Variants in SLC30A8 observed in about 807,000 individuals in gnomAD.
SLC30A8 encodes proton-coupled zinc antiporter SLC30A8.
SLC30A8 carries 27 observed loss-of-function variants against 36.9 expected under a neutral mutation model. The observed-to-expected ratio is 0.73, with a 90% CI of 0.54 to 1.01. The LOEUF is 1.01. SLC30A8 is among the 50% of genes least tolerant of loss of function. The probability of loss-of-function intolerance (pLI) is 0.00; values close to 1 mark genes in which losing one functional copy is unlikely to be tolerated. For missense variants in SLC30A8, 439 were observed against 452.0 expected (o/e 0.97, Z 0.26); for synonymous variants, 164 against 172.4 (o/e 0.95, Z 0.38).
At chr8:116,955,176 A>G (rs1322161219) in intron 1 of SLC30A8, among the ~76,000 whole-genome samples, 2 of 152,266 alleles carry the variant, frequency 1.3e-5, no homozygotes, top group Non-Finnish European at 2.9e-5. Context: ...GTATCCTTCC[A>G]AAATAGATGT....
In SLC30A8 at chr8:117,161,872, T is replaced by A. The variant is rs1822809043; in HGVS notation, c.707T>A (p.Leu236His). 1 of 1,613,168 alleles carries A rather than the reference T, an allele frequency of 6.2e-7. No individual in the cohort carries two copies. Residue 236 changes from leucine to histidine, a missense_variant, in exon 5 of 8, where the codon CTT (leucine) becomes CAT (histidine). By Grantham distance (99) the Leu-to-His change is moderately conservative. Coordinates refer to ENST00000456015, the MANE Select transcript of SLC30A8 (RefSeq NM_173851.3). Reference protein sequence around the residue: ...FQSISVLISALIIYFKPEYKI... With the variant: ...FQSISVLISAHIIYFKPEYKI... ...AGTATCAGTGTGCTAATTAGTGCAC[T>A]TATTATCTACTTTAAGGTGAGTTTG...
rs535761944 is a variant in SLC30A8 at position 117,090,604 on chromosome 8, T to C, written c.-225-44676T>C. On this transcript the variant is annotated intron_variant, in intron 2 of 10. Transcript: ENST00000427715. Reference sequence around the variant, plus strand: ...ACTTAGGGTTTCTTAATAAGGGCACTAATCCCATTAATGAGGGTTCTGCCC... The same window carrying C: ...ACTTAGGGTTTCTTAATAAGGGCACCAATCCCATTAATGAGGGTTCTGCCC... 1.4e-4 allele frequency among the ~76,000 whole-genome samples: 21 copies of C among 152,320 alleles called. No homozygotes were observed. The South Asian group carries it at 4.3e-3, about 32-fold the overall frequency.
At chr8:117,137,685 A>G (rs949475165) in intron 1 of SLC30A8, among the ~76,000 whole-genome samples, 7 of 151,918 alleles carry the variant, frequency 4.6e-5, no homozygotes, top group Non-Finnish European at 1.0e-4. Context: ...CTCTCCCTGT[A>G]TGATGTCTCA....
chr8:117,147,159 T>C lies in SLC30A8; in HGVS notation c.271+6T>C. ...CATGATTGCAGAGGTCGTGGGTGAGTCTTTCTGCAGACTTTTTTCATTAAA... is the reference window on the plus strand; with the variant it reads ...CATGATTGCAGAGGTCGTGGGTGAGCCTTTCTGCAGACTTTTTTCATTAAA... On this transcript the variant is annotated splice_donor_region_variant and intron_variant, in intron 2 of 7. Coordinates refer to ENST00000456015, the MANE Select transcript of SLC30A8 (RefSeq NM_173851.3). 6.2e-7 allele frequency: 1 copy of C among 1,612,536 alleles called. No individual in the cohort carries two copies. The highest frequency in any genetic ancestry group is 8.5e-7 in the Non-Finnish European group (1 of 1,179,374).
At chr8:117,011,089 C>T (rs573611794) in intron 1 of SLC30A8, among the ~76,000 whole-genome samples, 4 of 152,188 alleles carry the variant, frequency 2.6e-5, no homozygotes, top group Admixed American at 6.5e-5. Flanking sequence ...CTCTTATCTA[C>T]TTCATCCTCA....
At chr8:117,016,539 A>T (rs1816526360) in intron 1 of SLC30A8, among the ~76,000 whole-genome samples, 1 of 152,330 alleles carries the variant, frequency 6.6e-6, no homozygotes, top group East Asian at 1.9e-4. Context: ...ATGCACGCTA[A>T]CAGCTGCTAG....
intron 1 of SLC30A8, among the ~76,000 whole-genome samples, chr8:116,984,706 C>T (rs569875972): frequency 8.6e-5 from 13 of 151,820 alleles, no homozygotes; most frequent in South Asian, 8.3e-4. Context: ...TTTTAACTGC[C>T]GAGTTTTGAG....
At chr8:117,016,187 G>A (rs1299684872) in intron 1 of SLC30A8, among the ~76,000 whole-genome samples, 2 of 152,176 alleles carry the variant, frequency 1.3e-5, no homozygotes, top group African/African-American at 4.8e-5. Context: ...AAGGGAAAAA[G>A]GGATAGGTTC....
intron 2 of SLC30A8, among the ~76,000 whole-genome samples, chr8:117,125,055 A>G (rs1405264253): frequency 6.6e-6 from 1 of 152,070 alleles, no homozygotes; most frequent in African/African-American, 2.4e-5. Context: ...CTTTTTAGTG[A>G]AAGAACTCTT....
chr8:117,126,862 C>T (rs1323278771), intron 2 of SLC30A8, among the ~76,000 whole-genome samples: 1 of 151,992 alleles, frequency 6.6e-6, no homozygotes, highest in Non-Finnish European at 1.5e-5. Flanking sequence ...CTAAGAGGGG[C>T]TGTCTGAGGA....
intron 1 of SLC30A8, among the ~76,000 whole-genome samples, chr8:116,998,732 G>A (rs1274868395): frequency 1.3e-5 from 2 of 152,174 alleles, no homozygotes; most frequent in African/African-American, 2.4e-5. Context: ...AGGGGAAAAG[G>A]CCATGTGAAG....
rs573385870 is a variant in SLC30A8, at chr8:116,980,847, TATTA to T, written c.-266+29733_-266+29736del. On this transcript the variant is annotated intron_variant, in intron 1 of 10. Coordinates refer to the SLC30A8 transcript ENST00000427715. ...TATTTCTGCTAATGTGATTTTCACA[TATTA>T]ATTATTATAAAGACACTATCATTTC... Among the ~76,000 whole-genome samples the T allele has an allele frequency of 1.1e-3, 162 of 152,356 alleles. 2 individuals are homozygous for T. Among genetic ancestry groups the T allele is most frequent in the African/African-American group, 3.7e-3 (153 of 41,578 alleles).
At chr8:117,039,019 A>C (rs888618413) in intron 1 of SLC30A8, among the ~76,000 whole-genome samples, 1 of 152,204 alleles carries the variant, frequency 6.6e-6, no homozygotes, top group African/African-American at 2.4e-5. Context: ...GAGATTCAGG[A>C]GAGTGATGCA....
chr8:117,130,731 A>C (rs1821097857), upstream of SLC30A8, among the ~76,000 whole-genome samples: 1 of 151,970 alleles, frequency 6.6e-6, no homozygotes, highest in East Asian at 1.9e-4. Context: ...TTATGAAGCC[A>C]AAAGGCCATT....
intron 2 of SLC30A8, among the ~76,000 whole-genome samples, chr8:117,121,400 T>C (rs1820689375): frequency 6.6e-6 from 1 of 151,956 alleles, no homozygotes; most frequent in Non-Finnish European, 1.5e-5. Context: ...AACAGAAATC[T>C]ATTTCTCACA....
intron 6 of SLC30A8, among the ~76,000 whole-genome samples, chr8:117,167,540 C>CT (rs1433304702): frequency 2.8e-5 from 4 of 145,008 alleles, no homozygotes; most frequent in Admixed American, 7.0e-5. Context: ...AAGTGTGTAC[C>CT]TTTTTTTATA....
At chr8:117,087,695 C>A (rs758564655) in intron 2 of SLC30A8, among the ~76,000 whole-genome samples, 1 of 152,124 alleles carries the variant, frequency 6.6e-6, no homozygotes, top group Non-Finnish European at 1.5e-5. Flanking sequence ...CTCTTAGCAA[C>A]TGATGATACT....
At position 117,135,140 on chromosome 8, in the gene SLC30A8, C is replaced by A; in HGVS notation, c.-188C>A. Reference sequence around the variant, plus strand: ...AAAACAATGAAGCCAGGTAATATTGCAAGGAGGCTGTAATTTTAGCAGACC... The same window carrying A: ...AAAACAATGAAGCCAGGTAATATTGAAAGGAGGCTGTAATTTTAGCAGACC... On this transcript the variant is annotated 5_prime_UTR_variant, in exon 1 of 8. Coordinates refer to ENST00000456015, the MANE Select transcript of SLC30A8 (RefSeq NM_173851.3). 1 of 426,272 alleles carries A rather than the reference C, an allele frequency of 2.3e-6. No individual in the cohort carries two copies. The highest frequency in any genetic ancestry group is 4.2e-6 in the Non-Finnish European group (1 of 238,486). 26.4% of individuals were successfully genotyped at this position (426,272 alleles called of 1,614,324 possible). A position where few individuals can be genotyped will look rare whatever the true frequency, so the allele number is the denominator to read the frequency against.
At chr8:117,086,924 G>A (rs943476991) in intron 2 of SLC30A8, among the ~76,000 whole-genome samples, 1 of 152,186 alleles carries the variant, frequency 6.6e-6, no homozygotes, top group Non-Finnish European at 1.5e-5. Flanking sequence ...GCAAAGAGCT[G>A]TAAGTGAAAA....
Sources: gnomAD v4.1 joint callset for allele counts (sites outside exome capture counted in the v4.1 genomes callset) on GRCh38, gnomAD v4.1.1 for gene constraint, MANE v1.5 for transcripts, NCBI Gene and HGNC (gene_info 2026-07-23, HGNC 2026-07-21) for gene names.